The following DNAAF5 variants were observed in gnomAD, a reference collection of about 807,000 sequenced individuals.
DNAAF5 encodes the protein HEAT repeat containing 2.
In DNAAF5, 64 loss-of-function variants were observed where a neutral mutation model predicts 75.8. The ratio of observed to expected loss-of-function variants is 0.84; its 90% CI spans 0.69 to 1.04. DNAAF5 has a LOEUF of 1.04. Ranked by LOEUF, DNAAF5 falls within the 50% of genes least tolerant of loss-of-function variation. The pLI is 0.00. For missense variants in DNAAF5, 1,269 were observed against 1,178.5 expected (o/e 1.08, Z -1.12); for synonymous variants, 657 against 557.2 (o/e 1.18, Z -2.52).
At chr7:758,938 C>T (rs1782565109) in intron 6 of DNAAF5, among the ~76,000 whole-genome samples, 2 of 152,126 alleles carry the variant, frequency 1.3e-5, no homozygotes, top group South Asian at 4.1e-4. Flanking sequence ...CCACCTCGGC[C>T]TCCCAAAGTG....
chr7:739,059 TGGGGGCTGGCTGC>T lies in DNAAF5; in HGVS notation c.781-1759_781-1747del, dbSNP rs1351237813. ...CCCATCACTGTACACCTGTTTGGGC[TGGGGGCTGGCTGC>T]AGTCTGGCTTGTCTCAGCCACGCCC... On this transcript the variant is annotated intron_variant, in intron 2 of 12. Coordinates refer to ENST00000297440, the MANE Select transcript of DNAAF5 (RefSeq NM_017802.4). Among the ~76,000 whole-genome samples, 600 of 145,256 alleles carry T rather than the reference TGGGGGCTGGCTGC, an allele frequency of 4.1e-3. 4 individuals carry two copies. The highest frequency in any genetic ancestry group is 0.016 in the African/African-American group (554 of 35,728).
chr7:775,898 T>C (rs1178030100), intron 11 of DNAAF5, among the ~76,000 whole-genome samples: 1 of 152,212 alleles, frequency 6.6e-6, no homozygotes, highest in East Asian at 1.9e-4. Flanking sequence ...GTGTGGGTCA[T>C]GTGCAAATAC....
intron 2 of DNAAF5, among the ~76,000 whole-genome samples, chr7:733,387 G>A (rs999645607): frequency 5.9e-5 from 9 of 152,102 alleles, no homozygotes; most frequent in Non-Finnish European, 1.3e-4. Context: ...AATTGCTTTG[G>A]GTAGTATGGA....
chr7:769,083 A>C (rs879458566), intron 8 of DNAAF5: 94 of 720,438 alleles, frequency 1.3e-4, no homozygotes, highest in Admixed American at 1.9e-5. Flanking sequence ...CAGCGAGTAC[A>C]TTGCGTCTCC....
At chr7:748,736 A>T (rs568296924) in intron 4 of DNAAF5, among the ~76,000 whole-genome samples, 2 of 152,072 alleles carry the variant, frequency 1.3e-5, no homozygotes, top group Admixed American at 1.3e-4. Flanking sequence ...CATCCTCTGC[A>T]CCCAGAGGCG....
chr7:765,253 G>C (rs564867836), intron 8 of DNAAF5, among the ~76,000 whole-genome samples: 1 of 152,224 alleles, frequency 6.6e-6, no homozygotes, highest in Non-Finnish European at 1.5e-5. Context: ...TGTGTGGTGG[G>C]AACTGTGACC....
Position 756,816 on chromosome 7 carries a change from T to G in DNAAF5, c.1292T>G (p.Val431Gly), listed in dbSNP as rs961018800. ...TRSAELVGTFVSPEVFLKLIL... is the reference protein window; with the variant it reads ...TRSAELVGTFGSPEVFLKLIL... ...TCCGCAGAGCTCGTCGGGACGTTTG[T>G]CAGCCCTGAGGTGTTTCTGAAGCTG... Residue 431 changes from valine (V) to glycine (G), a missense_variant, in exon 6 of 13, where the codon GTC (valine) becomes GGC (glycine). Coordinates refer to ENST00000297440, the MANE Select transcript of DNAAF5 (RefSeq NM_017802.4). 2.5e-6 allele frequency: 4 copies of G among 1,613,864 alleles called. No individual in the cohort carries two copies. The highest frequency in any genetic ancestry group is 3.4e-6 in the Non-Finnish European group (4 of 1,180,016).
rs954923400 is a variant in DNAAF5 at position 786,005 on chromosome 7, C to T, written c.*352C>T. 63 of 201,444 alleles carry T rather than the reference C, an allele frequency of 3.1e-4. No individual in the cohort carries two copies. The highest frequency in any genetic ancestry group is 2.5e-3 in the Admixed American group (43 of 16,956). 12.5% of individuals were successfully genotyped at this position (201,444 alleles called of 1,614,324 possible). On this transcript the variant is annotated 3_prime_UTR_variant, in exon 13 of 13. Transcript: ENST00000297440. ...ATTGGCTGCATCCTGCTTAGGTGCCCACCAAGAAGGTTTTTACCTACTTAA... is the reference window on the plus strand; with the variant it reads ...ATTGGCTGCATCCTGCTTAGGTGCCTACCAAGAAGGTTTTTACCTACTTAA...
rs34353645 is a variant in DNAAF5 at position 743,229 on chromosome 7, A to T, written c.1024+1764A>T. On this transcript the variant is annotated intron_variant, in intron 4 of 12. Coordinates refer to ENST00000297440, the MANE Select transcript of DNAAF5 (RefSeq NM_017802.4). ...TATTTTAACAAAAACAAAACAAATTAGCTGGGCGTGGTGGTGCATGCCTGT... is the reference window on the plus strand; with the variant it reads ...TATTTTAACAAAAACAAAACAAATTTGCTGGGCGTGGTGGTGCATGCCTGT... Among the ~76,000 whole-genome samples the T allele has an allele frequency of 2.0e-5, 3 of 151,752 alleles. No individual in the cohort carries two copies. In the East Asian group the frequency reaches 5.8e-4, roughly 29 times the overall value.
chr7:742,975 C>T (rs1349555856), intron 4 of DNAAF5, among the ~76,000 whole-genome samples: 1 of 152,254 alleles, frequency 6.6e-6, no homozygotes, highest in African/African-American at 2.4e-5. Context: ...GCAGTCTCAA[C>T]TTACTTCCCA....
At chr7:741,256 G>T (rs1414822811) in intron 3 of DNAAF5, 91 bp from the exon 4 acceptor site, 6 of 932,512 alleles carry the variant, frequency 6.4e-6, no homozygotes, top group Non-Finnish European at 9.9e-6. Context: ...CACGCAATGG[G>T]GTCTTTGGGT....
intron 8 of DNAAF5, among the ~76,000 whole-genome samples, chr7:768,194 T>G (rs1169849041): frequency 2.6e-5 from 3 of 115,144 alleles, no homozygotes; most frequent in African/African-American, 1.1e-4. Context: ...GTGTCCATGC[T>G]GCAGCAGGAG....
intron 4 of DNAAF5, among the ~76,000 whole-genome samples, chr7:751,770 C>T (rs1009899349): frequency 4.6e-5 from 7 of 151,920 alleles, no homozygotes; most frequent in Admixed American, 2.0e-4. Flanking sequence ...GACGGGGTTT[C>T]ACCATGTTAG....
intron 12 of DNAAF5, among the ~76,000 whole-genome samples, chr7:782,878 C>T (rs1328659568): frequency 7.2e-6 from 1 of 139,678 alleles, no homozygotes; most frequent in Non-Finnish European, 1.6e-5. Context: ...GCCGCGTCCC[C>T]TCACACAACG....
At chr7:766,054 C>G (rs1782809367) in intron 8 of DNAAF5, among the ~76,000 whole-genome samples, 1 of 152,166 alleles carries the variant, frequency 6.6e-6, no homozygotes, top group African/African-American at 2.4e-5. Flanking sequence ...ACCTCAAACT[C>G]CTAGGCTCGA....
chr7:777,010 T>A (rs1013245464), intron 11 of DNAAF5, among the ~76,000 whole-genome samples: 1 of 152,148 alleles, frequency 6.6e-6, no homozygotes, highest in Non-Finnish European at 1.5e-5. Context: ...AAGCTGACGC[T>A]CCTTATGAAA....
At chr7:773,011 C>T (rs1190212464) in intron 9 of DNAAF5, 1 of 151,992 alleles carries the variant, frequency 6.6e-6, no homozygotes, top group Non-Finnish European at 1.5e-5. Context: ...CTAGGTGGCG[C>T]CCGTGTGGCA....
chr7:743,643 T>TA (rs1781992241), intron 4 of DNAAF5, among the ~76,000 whole-genome samples: 2 of 65,446 alleles, frequency 3.1e-5, no homozygotes, highest in Non-Finnish European at 7.9e-5. Flanking sequence ...ACGCTCGATC[T>TA]TTTTTTTTTT....
chr7:760,725 G>T (rs535188165), intron 6 of DNAAF5, among the ~76,000 whole-genome samples: 1 of 152,332 alleles, frequency 6.6e-6, no homozygotes, highest in African/African-American at 2.4e-5. Context: ...TCCAGCACAC[G>T]CCTGCTGTGT....
Sources: allele counts gnomAD v4.1 joint callset (sites outside exome capture counted in the v4.1 genomes callset), GRCh38; gene constraint gnomAD v4.1.1; transcripts MANE v1.5; gene names NCBI Gene and HGNC (gene_info 2026-07-23, HGNC 2026-07-21).